CELF2: variants seen among roughly 807,000 people sequenced by gnomAD.
The protein encoded by CELF2 is CUGBP Elav-like family member 2.
In CELF2, 8 loss-of-function variants were observed where a neutral mutation model predicts 62.6. The observed-to-expected ratio is 0.13, with a 90% CI of 0.07 to 0.23. The LOEUF (loss-of-function observed/expected upper bound fraction) is 0.23. CELF2 is among the 10% of genes least tolerant of loss of function. The pLI is 1.00. For synonymous variants in CELF2, 258 were observed against 250.0 expected (o/e 1.03, Z -0.30); for missense variants, 333 against 671.0 (o/e 0.50, Z 5.56).
chr10:10,701,588 C>G, the CELF2 span, among the ~76,000 whole-genome samples: 346 of 152,322 alleles, frequency 2.3e-3, no homozygotes, highest in African/African-American at 7.6e-3. Context: ...TGGAAAGGCT[C>G]ATGAACATAA....
In CELF2 at chr10:11,314,306, C is replaced by T; in HGVS notation, c.1096+48C>T. The T allele has an allele frequency of 3.7e-6, 6 of 1,613,628 alleles. No homozygotes were observed. Among genetic ancestry groups the T allele is most frequent in the Non-Finnish European group, 5.1e-6 (6 of 1,179,580 alleles). On this transcript the variant is annotated intron_variant, in intron 10 of 12. Coordinates refer to ENST00000633077, the MANE Select transcript of CELF2 (RefSeq NM_001326342.2). This position sits in a 1 kb window ranked among gnomAD's most constrained non-coding sequence, Gnocchi z 5.3. ...GCTGCTCTGGTGGACAGCCTTCCCC[C>T]AAATTCTCCACAGAAAGTGGTCAGC...
At chr10:10,810,398 C>A (rs2055732131) in intron 1 of CELF2, among the ~76,000 whole-genome samples, 1 of 152,138 alleles carries the variant, frequency 6.6e-6, no homozygotes, top group Non-Finnish European at 1.5e-5. Context: ...TAGATCATCT[C>A]ATGGGGGAGG....
chr10:10,793,734 T>C (rs1225549804), upstream of CELF2, among the ~76,000 whole-genome samples: 1 of 152,222 alleles, frequency 6.6e-6, no homozygotes, highest in Non-Finnish European at 1.5e-5. Flanking sequence ...AGGGCCTTTT[T>C]ATGTTTGGCT....
chr10:11,230,538 C>G (rs1417609957), intron 3 of CELF2, among the ~76,000 whole-genome samples: 1 of 152,212 alleles, frequency 6.6e-6, no homozygotes, highest in East Asian at 1.9e-4. Context: ...GCCACCCTCC[C>G]TGTTTCCTTC....
At chr10:10,474,074 T>C in the CELF2 span, among the ~76,000 whole-genome samples, 1 of 152,192 alleles carries the variant, frequency 6.6e-6, no homozygotes, top group South Asian at 2.1e-4. Flanking sequence ...AATTAAATTC[T>C]AGAGTAATGT....
intron 2 of CELF2, chr10:10,937,533 CTG>C (rs1445097062): frequency 6.6e-6 from 1 of 152,084 alleles, no homozygotes; most frequent in East Asian, 1.9e-4. Flanking sequence ...TCTTCAAACT[CTG>C]AGTTACTATA....
chr10:11,060,774 A>G (rs775335853), intron 1 of CELF2, among the ~76,000 whole-genome samples: 23 of 152,158 alleles, frequency 1.5e-4, no homozygotes, highest in African/African-American at 4.6e-4. Flanking sequence ...AATTTTCACA[A>G]TGTTTCAAAC....
At chr10:10,960,454 ATTAG>A (rs764019682) in intron 2 of CELF2, 20 of 152,260 alleles carry the variant, frequency 1.3e-4, no homozygotes, top group Non-Finnish European at 2.8e-4. Context: ...AGAAACATTT[ATTAG>A]TTGATATAAC....
chr10:10,938,503 A>T lies in CELF2; in HGVS notation c.89+18504A>T, dbSNP rs2046666180. 6.6e-6 allele frequency among the ~76,000 whole-genome samples: 1 copy of T among 152,256 alleles called. No homozygotes were observed. Among genetic ancestry groups the T allele is most frequent in the African/African-American group, 2.4e-5 (1 of 41,470 alleles). On this transcript the variant is annotated intron_variant, in intron 2 of 13. Transcript: ENST00000636488. This position sits in a 1 kb window ranked among gnomAD's most constrained non-coding sequence, Gnocchi z 4.2. ...TTTTTGTGACACTGAGGGATATGTT[A>T]AAATACCATTGCAAACATGTCAGGC... is the stretch of plus-strand genomic sequence containing the variant.
At chr10:10,512,597 T>C in the CELF2 span, among the ~76,000 whole-genome samples, 1 of 151,958 alleles carries the variant, frequency 6.6e-6, no homozygotes, top group Non-Finnish European at 1.5e-5. Context: ...GTATTTTTAG[T>C]AGGGGTAGGG....
intron 8 of CELF2, among the ~76,000 whole-genome samples, chr10:11,286,190 C>G (rs1183317254): frequency 6.6e-6 from 1 of 152,212 alleles, no homozygotes; most frequent in Non-Finnish European, 1.5e-5. Context: ...AGTGGGCCAG[C>G]TGAGCCAGGC....
At chr10:10,916,027 C>T (rs6602466) in intron 1 of CELF2, among the ~76,000 whole-genome samples, 70,883 of 152,092 alleles carry the variant, frequency 0.47, 17,490 homozygotes, top group South Asian at 0.57. Context: ...GTTTTTATGT[C>T]ACCTGCTTTA....
rs776591275 is a variant in CELF2, at chr10:11,332,445, G to A, written c.*3392G>A. Reference sequence around the variant, plus strand: ...CCCAGCCTTTTTGGTTTTTTTAATTGAACACATTTCATCTAAGTAAAGCTC... The same window carrying A: ...CCCAGCCTTTTTGGTTTTTTTAATTAAACACATTTCATCTAAGTAAAGCTC... On this transcript the variant is annotated 3_prime_UTR_variant, in exon 13 of 13. Coordinates refer to ENST00000633077, the MANE Select transcript of CELF2 (RefSeq NM_001326342.2). The A allele has an allele frequency of 6.6e-6, 1 of 152,270 alleles. No homozygotes were observed. The highest frequency in any genetic ancestry group is 2.4e-5 in the African/African-American group (1 of 41,320). The allele number at this position is 152,270 out of a possible 1,614,324, so 9.4% of individuals were successfully genotyped here. A position where few individuals can be genotyped will look rare whatever the true frequency, so the allele number is the denominator to read the frequency against.
At chr10:10,596,742 A>T in the CELF2 span, among the ~76,000 whole-genome samples, 47 of 152,342 alleles carry the variant, frequency 3.1e-4, 1 homozygote, top group East Asian at 8.9e-3. Flanking sequence ...CCGTGACCTC[A>T]GCTGTCCTTT....
At chr10:10,720,069 C>T in the CELF2 span, among the ~76,000 whole-genome samples, 1 of 152,114 alleles carries the variant, frequency 6.6e-6, no homozygotes, top group African/African-American at 2.4e-5. Flanking sequence ...ACTTGGGCTG[C>T]GTTTCATGAG....
chr10:10,845,389 G>A (rs2058948782), intron 1 of CELF2, among the ~76,000 whole-genome samples: 1 of 148,032 alleles, frequency 6.8e-6, no homozygotes, highest in African/African-American at 2.5e-5. Context: ...TCTCGGGATA[G>A]TATCTGTGGA....
chr10:10,500,085 A>G, the CELF2 span, among the ~76,000 whole-genome samples: 3 of 152,218 alleles, frequency 2.0e-5, no homozygotes, highest in African/African-American at 7.2e-5. Context: ...TACACCCTGT[A>G]TATCGAAGCT....
intron 1 of CELF2, among the ~76,000 whole-genome samples, chr10:10,856,149 G>A (rs560794360): frequency 1.3e-5 from 2 of 152,276 alleles, no homozygotes; most frequent in South Asian, 4.1e-4. Context: ...AAGGAAGTTG[G>A]TATTTCAGTG....
At chr10:10,466,578 G>A in the CELF2 span, among the ~76,000 whole-genome samples, 1 of 152,064 alleles carries the variant, frequency 6.6e-6, no homozygotes, top group Admixed American at 6.6e-5. Flanking sequence ...AATTGAAAAG[G>A]CTGGATCATA....
Sources: allele counts gnomAD v4.1 joint callset (sites outside exome capture counted in the v4.1 genomes callset), GRCh38; gene constraint gnomAD v4.1.1; non-coding constraint Gnocchi (gnomAD v3.1); transcripts MANE v1.5; gene names NCBI Gene and HGNC (gene_info 2026-07-23, HGNC 2026-07-21).